The following RGP1 variants were observed in gnomAD, a reference collection of about 807,000 sequenced individuals.
The protein encoded by RGP1 is RAB6A-GEF complex partner protein 2.
RGP1 carries 28 observed loss-of-function variants against 44.5 expected under a neutral mutation model. The ratio of observed to expected loss-of-function variants is 0.63; its 90% CI spans 0.47 to 0.86. The LOEUF is 0.86. Among genes scored for constraint, RGP1 ranks in the 40% least tolerant of loss-of-function variants. The pLI is 0.00. For missense variants in RGP1, 417 were observed against 490.7 expected (o/e 0.85, Z 1.42); for synonymous variants, 212 against 196.7 (o/e 1.08, Z -0.65).
the RGP1 span, among the ~76,000 whole-genome samples, chr9:35,765,179 A>G: frequency 1.3e-5 from 2 of 151,704 alleles, no homozygotes; most frequent in African/African-American, 2.4e-5. Flanking sequence ...CATTGTATGG[A>G]CATACAGCAG....
chr9:35,768,008 C>T, the RGP1 span, among the ~76,000 whole-genome samples: 1 of 151,992 alleles, frequency 6.6e-6, no homozygotes, highest in East Asian at 1.9e-4. Flanking sequence ...GCTATGTTGA[C>T]CAGACTGGTC....
chr9:35,786,150 C>T, the RGP1 span, among the ~76,000 whole-genome samples: 1 of 152,184 alleles, frequency 6.6e-6, no homozygotes, highest in South Asian at 2.1e-4. Flanking sequence ...AGTGCATTTC[C>T]AGTCTCTAGA....
chr9:35,760,607 G>A (rs1827409674), downstream of RGP1, among the ~76,000 whole-genome samples: 1 of 152,130 alleles, frequency 6.6e-6, no homozygotes, highest in African/African-American at 2.4e-5. Context: ...GACTTACTTG[G>A]TAGGTGGTAG....
chr9:35,775,664 C>G, the RGP1 span, among the ~76,000 whole-genome samples: 1 of 152,180 alleles, frequency 6.6e-6, no homozygotes, highest in Non-Finnish European at 1.5e-5. Context: ...CTAAGTTGAA[C>G]AGTTTCTCTT....
chr9:35,771,174 G>A, the RGP1 span, among the ~76,000 whole-genome samples: 1 of 152,086 alleles, frequency 6.6e-6, no homozygotes, highest in Non-Finnish European at 1.5e-5. Flanking sequence ...TTTCTGAGGA[G>A]TAACTTCCGT....
chr9:35,759,823 T>G (rs188430754), downstream of RGP1, among the ~76,000 whole-genome samples: 61 of 152,012 alleles, frequency 4.0e-4, no homozygotes, highest in East Asian at 9.9e-3. Flanking sequence ...TTAAGCATCC[T>G]TTTGTAGAAG....
chr9:35,753,297 A>G lies in RGP1; in HGVS notation c.*423A>G, dbSNP rs73438780. ...TGCTGGGACCTGGGGAACCAAGGAT[A>G]GGGGAAGGAGTCAGCACAGTGAAAG... On this transcript the variant is annotated 3_prime_UTR_variant, in exon 9 of 9. Coordinates refer to ENST00000378078, the MANE Select transcript of RGP1 (RefSeq NM_001080496.3). The surrounding 1 kb of genome is among the most constrained non-coding windows in gnomAD (Gnocchi z 4.2). The G allele has an allele frequency of 0.011, 18,421 of 1,611,042 alleles. 1,106 individuals are homozygous for G. The African/African-American group carries it at 0.17, about 15-fold the overall frequency.
intron 3 of RGP1, 86 bp downstream of exon 3, chr9:35,750,465 G>A (rs1827229550): frequency 6.8e-7 from 1 of 1,480,854 alleles, no homozygotes; most frequent in East Asian, 2.3e-5. Flanking sequence ...GTTGTTAATT[G>A]TTCTTGTTCT....
chr9:35,753,583 G>A lies in RGP1; in HGVS notation c.*709G>A. On this transcript the variant is annotated 3_prime_UTR_variant, in exon 9 of 9. Transcript: ENST00000378078. This position sits in a 1 kb window ranked among gnomAD's most constrained non-coding sequence, Gnocchi z 4.2. ...CTCTTCTGTTCATTCTTACATCACA[G>A]CAATCTAGTCACTCCCTGGTCATCC... is the stretch of plus-strand genomic sequence containing the variant. 1 of 1,228,552 alleles carries A rather than the reference G, an allele frequency of 8.1e-7. No homozygotes were observed. The highest frequency in any genetic ancestry group is 2.5e-5 in the East Asian group (1 of 40,324). The allele number at this position is 1,228,552 out of a possible 1,614,324, so 76.1% of individuals were successfully genotyped here. A position where few individuals can be genotyped will look rare whatever the true frequency, so the allele number is the denominator to read the frequency against.
chr9:35,781,698 A>T, the RGP1 span, among the ~76,000 whole-genome samples: 1 of 152,150 alleles, frequency 6.6e-6, no homozygotes, highest in Non-Finnish European at 1.5e-5. Context: ...CACAGTCTTC[A>T]AATATTCCAC....
chr9:35,781,664 A>G, the RGP1 span, among the ~76,000 whole-genome samples: 3 of 152,168 alleles, frequency 2.0e-5, no homozygotes, highest in Admixed American at 1.3e-4. Flanking sequence ...TGAATTCGGC[A>G]TGATTTAGAT....
chr9:35,784,669 T>G, the RGP1 span, among the ~76,000 whole-genome samples: 2 of 152,044 alleles, frequency 1.3e-5, no homozygotes, highest in Non-Finnish European at 2.9e-5. Context: ...GCCAGGCTGG[T>G]CTCTTGGCCA....
the RGP1 span, among the ~76,000 whole-genome samples, chr9:35,786,440 G>C: frequency 6.6e-6 from 1 of 152,240 alleles, no homozygotes; most frequent in African/African-American, 2.4e-5. Context: ...TAGGAAAATA[G>C]GGAAACTATC....
the RGP1 span, among the ~76,000 whole-genome samples, chr9:35,770,815 C>T: frequency 1.3e-5 from 2 of 152,180 alleles, no homozygotes; most frequent in African/African-American, 4.8e-5. Flanking sequence ...CTGGAGCTCC[C>T]AGCCTCCGCT....
At chr9:35,769,093 G>T in the RGP1 span, among the ~76,000 whole-genome samples, 2 of 152,240 alleles carry the variant, frequency 1.3e-5, no homozygotes, top group Non-Finnish European at 2.9e-5. Context: ...GATAAGTTAG[G>T]TAGCAAGCGG....
chr9:35,760,407 T>A (rs77323950), downstream of RGP1, among the ~76,000 whole-genome samples: 290 of 152,280 alleles, frequency 1.9e-3, 2 homozygotes, highest in African/African-American at 6.6e-3. Context: ...ATGCCAATGA[T>A]ATTATCTCAG....
chr9:35,774,940 T>C, the RGP1 span, among the ~76,000 whole-genome samples: 2 of 152,134 alleles, frequency 1.3e-5, no homozygotes, highest in Non-Finnish European at 2.9e-5. Context: ...CCTCCCCATA[T>C]TGTCTCGAGG....
intron 3 of RGP1, 88 bp downstream of exon 3, chr9:35,750,467 TC>T: frequency 6.7e-7 from 1 of 1,482,404 alleles, no homozygotes; most frequent in South Asian, 1.2e-5. Context: ...TGTTAATTGT[TC>T]TTGTTCTTAT....
chr9:35,749,820 G>A lies in RGP1; in HGVS notation c.65G>A (p.Cys22Tyr). The A allele has an allele frequency of 6.2e-7, 1 of 1,613,946 alleles. No homozygotes were observed. Among genetic ancestry groups the A allele is most frequent in the Non-Finnish European group, 8.5e-7 (1 of 1,179,834 alleles). The change falls in exon 2 of 9, where the codon TGT becomes TAT. Residue 22 changes from cysteine (C) to tyrosine (Y), a missense_variant. Physicochemically the swap from Cys to Tyr is radical, Grantham distance 194. Coordinates refer to ENST00000378078, the MANE Select transcript of RGP1 (RefSeq NM_001080496.3). The surrounding 1 kb of genome is among the most constrained non-coding windows in gnomAD (Gnocchi z 4.4). ...PVFLAGEALE[C>Y]VVTVTNPLPP... ...TTTTTGGCTGGGGAGGCGCTGGAGT[G>A]TGTAGTGACCGTCACCAACCCCCTT...
Sources: allele counts gnomAD v4.1 joint callset (sites outside exome capture counted in the v4.1 genomes callset), GRCh38; gene constraint gnomAD v4.1.1; non-coding constraint Gnocchi (gnomAD v3.1); transcripts MANE v1.5; gene names NCBI Gene and HGNC (gene_info 2026-07-23, HGNC 2026-07-21).